DEPTOR: variants seen among roughly 807,000 people sequenced by gnomAD.
The protein encoded by DEPTOR is DEP domain-containing mTOR-interacting protein.
DEPTOR carries 41 observed loss-of-function variants against 41.6 expected under a neutral mutation model. The ratio of observed to expected loss-of-function variants is 0.98; its 90% confidence interval spans 0.77 to 1.28. The LOEUF (loss-of-function observed/expected upper bound fraction) is 1.28, where lower values mean the gene tolerates loss of function less well. DEPTOR is among the 50% of genes most tolerant of loss of function. DEPTOR has a pLI of 0.00. For missense variants in DEPTOR, 514 were observed against 527.9 expected (o/e 0.97, Z 0.26); for synonymous variants, 195 against 192.3 (o/e 1.01, Z -0.12).
intron 4 of DEPTOR, among the ~76,000 whole-genome samples, chr8:119,966,039 T>TAC (rs930245714): frequency 3.9e-5 from 6 of 152,332 alleles, no homozygotes; most frequent in African/African-American, 7.2e-5. Context: ...GTGTCTGAAC[T>TAC]ACACACACAC....
intron 1 of DEPTOR, among the ~76,000 whole-genome samples, chr8:119,891,548 T>C (rs1827452243): frequency 6.6e-6 from 1 of 152,224 alleles, no homozygotes; most frequent in Non-Finnish European, 1.5e-5. Flanking sequence ...GTAATTGTCC[T>C]GGTGTAAACC....
chr8:119,949,165 T>C (rs1222262293), intron 3 of DEPTOR, among the ~76,000 whole-genome samples: 3 of 152,338 alleles, frequency 2.0e-5, no homozygotes, highest in African/African-American at 7.2e-5. Context: ...TTTCACTTGG[T>C]ATAATATTTT....
At chr8:119,992,283 G>A (rs888061802) in intron 4 of DEPTOR, among the ~76,000 whole-genome samples, 2 of 152,174 alleles carry the variant, frequency 1.3e-5, no homozygotes, top group African/African-American at 4.8e-5. Flanking sequence ...GCTAGTGAGG[G>A]TCTTATGTCT....
chr8:120,016,529 G>T (rs900875182), intron 8 of DEPTOR, among the ~76,000 whole-genome samples: 3 of 151,960 alleles, frequency 2.0e-5, no homozygotes, highest in Admixed American at 2.0e-4. Flanking sequence ...TCAAACTCCT[G>T]ACCTCAAGTG....
At chr8:119,929,989 A>G (rs1828020479) in intron 3 of DEPTOR, 51 bp downstream of exon 3, 1 of 1,581,250 alleles carries the variant, frequency 6.3e-7, no homozygotes, top group Non-Finnish European at 8.6e-7. Context: ...AGAAAGAAGC[A>G]GAACTGTGCC....
intron 1 of DEPTOR, among the ~76,000 whole-genome samples, chr8:119,874,682 G>A (rs1005511897): frequency 1.3e-5 from 2 of 152,074 alleles, no homozygotes; most frequent in African/African-American, 4.8e-5. Flanking sequence ...CAGGATCCAT[G>A]GGGACCCTGG....
rs377139188 is a variant in DEPTOR at position 119,873,951 on chromosome 8, C to T, written c.105C>T (p.Val35=). 1.1e-4 allele frequency: 183 copies of T among 1,613,588 alleles called. 1 individual carries two copies. In the East Asian group the frequency reaches 2.9e-3, roughly 26 times the overall value. The change falls in exon 1 of 9, where the codon GTC becomes GTT. Residue 35 remains valine (V), a synonymous_variant. Transcript: ENST00000286234. ...RELERMAEVL[V]TGEQLRLRLH... The stretch of plus-strand genomic sequence containing the variant: ...TGGAGCGCATGGCTGAGGTCTTGGT[C>T]ACCGGGGAACAGCTACGGTAAGGCA...
intron 8 of DEPTOR, among the ~76,000 whole-genome samples, chr8:120,010,999 T>C (rs1018307049): frequency 6.6e-6 from 1 of 152,234 alleles, no homozygotes; most frequent in African/African-American, 2.4e-5. Flanking sequence ...TGCAGAAGGC[T>C]TAAAAGCTAA....
Position 119,873,974 on chromosome 8 carries a change from G to A in DEPTOR, c.122+6G>A, listed in dbSNP as rs749960382. The A allele has an allele frequency of 6.2e-7, 1 of 1,613,468 alleles. No homozygotes were observed. Among genetic ancestry groups the A allele is most frequent in the African/African-American group, 1.3e-5 (1 of 74,984 alleles). On this transcript the variant is annotated splice_donor_region_variant and intron_variant, in intron 1 of 8. Coordinates refer to ENST00000286234, the MANE Select transcript of DEPTOR (RefSeq NM_022783.4). ...GTCACCGGGGAACAGCTACGGTAAG[G>A]CAAGAGACACAGCGGGTGAGCTCAC...
chr8:119,920,254 G>A (rs1408468874), intron 1 of DEPTOR, among the ~76,000 whole-genome samples: 3 of 152,098 alleles, frequency 2.0e-5, no homozygotes, highest in Admixed American at 1.3e-4. Context: ...TAATATGCAC[G>A]AATTAACTTT....
intron 8 of DEPTOR, among the ~76,000 whole-genome samples, chr8:120,034,427 CTTTTTTTTCCTTTTTCTTT>C: frequency 7.3e-6 from 1 of 137,668 alleles, no homozygotes; most frequent in South Asian, 2.4e-4. Context: ...CTTTTTTTTT[CTTTTTTTTCCTTTTTCTTT>C]TTTTTTTTTT....
At chr8:119,958,738 C>T (rs1172215761) in intron 3 of DEPTOR, among the ~76,000 whole-genome samples, 1 of 152,092 alleles carries the variant, frequency 6.6e-6, no homozygotes, top group South Asian at 2.1e-4. Flanking sequence ...GCCGAGATCA[C>T]GTCACCGTAC....
intron 3 of DEPTOR, among the ~76,000 whole-genome samples, chr8:119,938,885 C>G (rs1222356329): frequency 1.0e-5 from 1 of 97,870 alleles, no homozygotes; most frequent in East Asian, 2.1e-4. Flanking sequence ...CTTCCCCTCT[C>G]TCTCTCTTTC....
chr8:119,939,551 G>A (rs1240154438), intron 3 of DEPTOR, among the ~76,000 whole-genome samples: 2 of 152,036 alleles, frequency 1.3e-5, no homozygotes, highest in African/African-American at 2.4e-5. Flanking sequence ...GCATTGGTGC[G>A]ATCTCGGCTC....
chr8:119,990,060 G>C (rs1471440401), intron 4 of DEPTOR, among the ~76,000 whole-genome samples: 1 of 152,166 alleles, frequency 6.6e-6, no homozygotes, highest in Non-Finnish European at 1.5e-5. Context: ...TGATAAACAA[G>C]ATTATCTTTG....
chr8:119,996,145 C>T (rs1428496817), intron 4 of DEPTOR, among the ~76,000 whole-genome samples: 1 of 152,156 alleles, frequency 6.6e-6, no homozygotes, highest in African/African-American at 2.4e-5. Context: ...ACGTGGCAAC[C>T]TTCATTTCAG....
intron 1 of DEPTOR, among the ~76,000 whole-genome samples, chr8:119,894,489 T>C (rs7818296): frequency 0.82 from 123,760 of 151,166 alleles, 51,026 homozygotes; most frequent in East Asian, 0.95. Context: ...CTCCGCCTCC[T>C]GGGTTCACGG....
intron 3 of DEPTOR, among the ~76,000 whole-genome samples, chr8:119,962,973 G>T (rs779007277): frequency 6.6e-6 from 1 of 152,170 alleles, no homozygotes; most frequent in Admixed American, 6.6e-5. Context: ...ACAGGACCGG[G>T]TTTGGAAGGA....
intron 4 of DEPTOR, among the ~76,000 whole-genome samples, chr8:119,972,006 A>G (rs1189046796): frequency 2.0e-5 from 3 of 152,234 alleles, no homozygotes; most frequent in African/African-American, 4.8e-5. Flanking sequence ...GGAACCTTCC[A>G]AAAGCCAAGT....
Sources: gnomAD v4.1 joint callset for allele counts (sites outside exome capture counted in the v4.1 genomes callset) on GRCh38, gnomAD v4.1.1 for gene constraint, MANE v1.5 for transcripts, NCBI Gene and HGNC (gene_info 2026-07-23, HGNC 2026-07-21) for gene names.